Variants in TRIO observed in about 807,000 individuals in gnomAD.
The protein encoded by TRIO is trio Rho guanine nucleotide exchange factor.
In TRIO, 58 loss-of-function variants were observed where a neutral mutation model predicts 351.9. The observed-to-expected ratio is 0.16, with a 90% CI of 0.13 to 0.21. TRIO has a LOEUF of 0.21. Among genes scored for constraint, TRIO ranks in the 10% least tolerant of loss-of-function variants. The pLI, the probability that TRIO is intolerant of heterozygous loss-of-function variation, is 1.00. For missense variants in TRIO, 3,201 were observed against 4,027.8 expected (o/e 0.79, Z 5.56); for synonymous variants, 1,758 against 1,595.7 (o/e 1.10, Z -2.42).
At chr5:14,241,641 G>C (rs1400503297) in intron 1 of TRIO, among the ~76,000 whole-genome samples, 1 of 152,134 alleles carries the variant, frequency 6.6e-6, no homozygotes, top group Non-Finnish European at 1.5e-5. Context: ...TCTGATTTTA[G>C]GATGCTTCAT....
chr5:14,457,521 G>C (rs1480689977), intron 34 of TRIO, among the ~76,000 whole-genome samples: 1 of 152,048 alleles, frequency 6.6e-6, no homozygotes, highest in African/African-American at 2.4e-5. Context: ...TTGCAGCTGA[G>C]CCCACAGAGA....
Position 14,487,600 on chromosome 5 carries a change from C to T in TRIO, c.6972C>T (p.Pro2324=). 2 of 1,166,636 alleles carry T rather than the reference C, an allele frequency of 1.7e-6. No homozygotes were observed. Among genetic ancestry groups the T allele is most frequent in the Non-Finnish European group, 1.1e-6 (1 of 937,862 alleles). 72.3% of individuals were successfully genotyped at this position (1,166,636 alleles called of 1,614,324 possible). A position where few individuals can be genotyped will look rare whatever the true frequency, so the allele number is the denominator to read the frequency against. The change falls in exon 48 of 57, where the codon CCC becomes CCT. Residue 2324 remains proline (P), a synonymous_variant. Transcript: ENST00000344204. The part of the protein sequence containing the change: ...PSGGSGHSGG[P]SSCGGAPSTS... The stretch of plus-strand genomic sequence containing the variant: ...GCGGCAGCGGCCACAGTGGCGGCCC[C>T]AGCAGCTGCGGCGGCGCCCCCAGCA...
Position 14,403,372 on chromosome 5 carries a change from GAGGGTGTAGGTT to G in TRIO, c.4716+2309_4716+2320del, listed in dbSNP as rs1441838057. Among the ~76,000 whole-genome samples the G allele has an allele frequency of 1.3e-3, 150 of 111,968 alleles. 11 individuals carry two copies. The highest frequency in any genetic ancestry group is 2.7e-3 in the African/African-American group (61 of 22,564). The allele number at this position is 111,968 out of a possible 152,430, so 73.5% of individuals were successfully genotyped here. A position where few individuals can be genotyped will look rare whatever the true frequency, so the allele number is the denominator to read the frequency against. On this transcript the variant is annotated intron_variant, in intron 31 of 56. Transcript: ENST00000344204. ...AGCTTGTGAGGGTGCAGGTTGTGGT[GAGGGTGTAGGTT>G]GTGAGGGTGTAGGTTGTGATGAGGG... is the stretch of plus-strand genomic sequence containing the variant.
chr5:14,358,256 C>A lies in TRIO; in HGVS notation c.2125C>A (p.Leu709Ile). 1 of 1,614,144 alleles carries A rather than the reference C, an allele frequency of 6.2e-7. No individual in the cohort carries two copies. The highest frequency in any genetic ancestry group is 8.5e-7 in the Non-Finnish European group (1 of 1,180,010). ...CGAGTCGGTGGAGGCCGTGCAGGAC[C>A]TCATCAAGCGCTTTGGCCAGCAGCA... ...YAESVEAVQDLIKRFGQQQQT... is the reference protein window; with the variant it reads ...YAESVEAVQDIIKRFGQQQQT... Residue 709 changes from leucine to isoleucine, a missense_variant, in exon 12 of 57, where the codon CTC becomes ATC. Transcript: ENST00000344204.
chr5:14,462,990 T>G, intron 36 of TRIO, 65 bp downstream of exon 36: 39 of 1,471,670 alleles, frequency 2.7e-5, no homozygotes, highest in Non-Finnish European at 3.2e-5. Context: ...GCTCGGTAGC[T>G]GCTTCACACC....
intron 33 of TRIO, among the ~76,000 whole-genome samples, chr5:14,414,267 A>T (rs1749452223): frequency 6.6e-6 from 1 of 152,242 alleles, no homozygotes; most frequent in Admixed American, 6.5e-5. Flanking sequence ...TCTCACTGGG[A>T]TATGCTAAAA....
At chr5:14,189,777 C>T (rs1430447702) in intron 1 of TRIO, among the ~76,000 whole-genome samples, 1 of 151,380 alleles carries the variant, frequency 6.6e-6, no homozygotes, top group African/African-American at 2.4e-5. Flanking sequence ...GTTGCCCAGG[C>T]TGGAGTGCAG....
intron 1 of TRIO, among the ~76,000 whole-genome samples, chr5:14,257,503 T>G (rs1795092310): frequency 2.6e-5 from 4 of 152,130 alleles, no homozygotes; most frequent in Non-Finnish European, 5.9e-5. Context: ...GTATTCTGGC[T>G]GGCCCTTTTC....
At chr5:14,473,936 C>T in intron 39 of TRIO, 58 bp from the exon 40 acceptor site, 2 of 1,512,408 alleles carry the variant, frequency 1.3e-6, no homozygotes, top group Non-Finnish European at 9.1e-7. Flanking sequence ...ATCAATAAGC[C>T]ACTAGTTGAT....
Position 14,293,064 on chromosome 5 carries a change from A to AGATTGG in TRIO, c.1109_1114dup (p.Ile370_Gly371dup). The AGATTGG allele has an allele frequency of 6.2e-7, 1 of 1,614,122 alleles. No individual in the cohort carries two copies. Among genetic ancestry groups the AGATTGG allele is most frequent in the Non-Finnish European group, 8.5e-7 (1 of 1,180,004 alleles). ...GGCCTGTTTCTAAACAGCTACACAG[A>AGATTGG]GATTGGGACCAGCCACCCTCATGCC... On this transcript the variant is annotated inframe_insertion, in exon 6 of 57. Transcript: ENST00000344204.
intron 9 of TRIO, among the ~76,000 whole-genome samples, chr5:14,318,777 G>A (rs1284217865): frequency 1.3e-5 from 2 of 152,168 alleles, no homozygotes; most frequent in African/African-American, 4.8e-5. Context: ...TGAAATGTTG[G>A]AGTTTAAATC....
At chr5:14,366,453 C>T (rs1744596830) in intron 15 of TRIO, among the ~76,000 whole-genome samples, 2 of 152,172 alleles carry the variant, frequency 1.3e-5, no homozygotes, top group African/African-American at 4.8e-5. Context: ...TTAGTTCCCC[C>T]TTTTCAAGCA....
chr5:14,481,741 T>G (rs545110311), intron 45 of TRIO, 123 bp downstream of exon 45: 2 of 826,708 alleles, frequency 2.4e-6, no homozygotes, highest in Admixed American at 5.6e-5. Flanking sequence ...CTTCTCTCAC[T>G]TTACCTCAAT....
At chr5:14,242,120 C>G (rs1794163258) in intron 1 of TRIO, among the ~76,000 whole-genome samples, 1 of 152,168 alleles carries the variant, frequency 6.6e-6, no homozygotes, top group South Asian at 2.1e-4. Flanking sequence ...AGTTAAATAA[C>G]TTATCCAAGG....
chr5:14,392,834 C>T lies in TRIO; in HGVS notation c.4219-1204C>T, dbSNP rs562893222. Among the ~76,000 whole-genome samples, 5 of 152,134 alleles carry T rather than the reference C, an allele frequency of 3.3e-5. No individual in the cohort carries two copies. In the East Asian group the frequency reaches 9.7e-4, roughly 29 times the overall value. On this transcript the variant is annotated intron_variant, in intron 27 of 56. Coordinates refer to ENST00000344204, the MANE Select transcript of TRIO (RefSeq NM_007118.4). ...GGCCAAGGCAGGTGGATCATGAGGT[C>T]AGGAGATCGACACCATCCTGGCTAA...
intron 29 of TRIO, chr5:14,397,419 G>T: frequency 5.6e-6 from 2 of 357,100 alleles, no homozygotes; most frequent in South Asian, 7.1e-5. Context: ...GCTTGCTGCA[G>T]GCCACCTGTT....
chr5:14,261,888 T>C (rs1387648385), intron 1 of TRIO, among the ~76,000 whole-genome samples: 1 of 152,270 alleles, frequency 6.6e-6, no homozygotes, highest in African/African-American at 2.4e-5. Flanking sequence ...AATGTGATTT[T>C]ATGTACTAAT....
intron 55 of TRIO, among the ~76,000 whole-genome samples, chr5:14,505,290 G>A (rs978302367): frequency 6.6e-6 from 1 of 152,266 alleles, no homozygotes; most frequent in African/African-American, 2.4e-5. Context: ...CCGGAGGCCA[G>A]GGATGCCACC....
Position 14,401,081 on chromosome 5 carries a change from C to A in TRIO, c.4716+17C>A, listed in dbSNP as rs1210170314. The A allele has an allele frequency of 3.1e-6, 5 of 1,601,372 alleles. No homozygotes were observed. Among genetic ancestry groups the A allele is most frequent in the Non-Finnish European group, 4.3e-6 (5 of 1,169,284 alleles). On this transcript the variant is annotated intron_variant, in intron 31 of 56. Coordinates refer to ENST00000344204, the MANE Select transcript of TRIO (RefSeq NM_007118.4). ...GTCCTTAAGGTACGTTCATTTGAAG[C>A]TGGGAATGTGCTGTTTGAAACATTT...
Sources: gnomAD v4.1 joint callset for allele counts (sites outside exome capture counted in the v4.1 genomes callset) on GRCh38, gnomAD v4.1.1 for gene constraint, MANE v1.5 for transcripts, NCBI Gene and HGNC (gene_info 2026-07-23, HGNC 2026-07-21) for gene names.